The following PRR16 variants were observed in gnomAD, a reference collection of about 807,000 sequenced individuals.
PRR16 encodes the protein protein Largen.
PRR16 carries 6 observed loss-of-function variants against 18.2 expected under a neutral mutation model. The ratio of observed to expected loss-of-function variants is 0.33; its 90% confidence interval spans 0.18 to 0.65. The LOEUF (loss-of-function observed/expected upper bound fraction) is 0.65. Among genes scored for constraint, PRR16 ranks in the 30% least tolerant of loss-of-function variants. PRR16 has a pLI of 0.74. For synonymous variants in PRR16, 151 were observed against 147.8 expected (o/e 1.02, Z -0.16); for missense variants, 412 against 376.6 (o/e 1.09, Z -0.78).
the PRR16 span, among the ~76,000 whole-genome samples, chr5:120,761,093 TTTA>T: frequency 1.3e-5 from 2 of 148,288 alleles, no homozygotes; most frequent in African/African-American, 2.6e-5. Context: ...ACATATAAAA[TTTA>T]TTATTTTATT....
chr5:120,697,577 C>T, the PRR16 span, among the ~76,000 whole-genome samples: 1 of 152,308 alleles, frequency 6.6e-6, no homozygotes, highest in Non-Finnish European at 1.5e-5. Flanking sequence ...GACCACCAAA[C>T]AGGCTTTGTG....
chr5:120,657,518 T>C (rs1267161407), intron 1 of PRR16, among the ~76,000 whole-genome samples: 13 of 151,932 alleles, frequency 8.6e-5, no homozygotes, highest in Non-Finnish European at 8.8e-5. Flanking sequence ...GGAGAGCTGG[T>C]TGTTAGACAT....
At chr5:120,558,655 T>A (rs1209291376) in intron 1 of PRR16, among the ~76,000 whole-genome samples, 1 of 151,864 alleles carries the variant, frequency 6.6e-6, no homozygotes, top group African/African-American at 2.4e-5. Context: ...TATCTCTTGG[T>A]GTATACCTAG....
intron 1 of PRR16, among the ~76,000 whole-genome samples, chr5:120,659,110 G>C (rs1431814313): frequency 6.6e-6 from 1 of 151,830 alleles, no homozygotes; most frequent in Non-Finnish European, 1.5e-5. Context: ...ATGCTCAAAG[G>C]GTTCATTGGA....
the PRR16 span, among the ~76,000 whole-genome samples, chr5:120,792,820 C>A: frequency 6.6e-6 from 1 of 152,014 alleles, no homozygotes; most frequent in Non-Finnish European, 1.5e-5. Flanking sequence ...TTTAATTACA[C>A]GTTAACAAAA....
At chr5:120,776,480 GTGAAA>G in the PRR16 span, among the ~76,000 whole-genome samples, 1 of 152,106 alleles carries the variant, frequency 6.6e-6, no homozygotes, top group African/African-American at 2.4e-5. Context: ...CATGGAAGGA[GTGAAA>G]TGAAAAGTTC....
intron 1 of PRR16, among the ~76,000 whole-genome samples, chr5:120,472,944 A>G (rs1749317138): frequency 2.0e-5 from 3 of 152,294 alleles, no homozygotes; most frequent in East Asian, 3.9e-4. Flanking sequence ...TAAATTAAGC[A>G]TATTCTCTTC....
chr5:120,672,437 C>A (rs1423906722), intron 1 of PRR16, among the ~76,000 whole-genome samples: 3 of 151,496 alleles, frequency 2.0e-5, no homozygotes, highest in African/African-American at 7.3e-5. Context: ...ATGGCAGGAC[C>A]TGGATCCTGG....
the PRR16 span, among the ~76,000 whole-genome samples, chr5:120,758,764 C>A: frequency 1.3e-5 from 2 of 152,032 alleles, no homozygotes; most frequent in East Asian, 3.9e-4. Context: ...AATAAACCTC[C>A]TTTGTTTATA....
At chr5:120,496,441 T>C (rs1463644494) in intron 1 of PRR16, among the ~76,000 whole-genome samples, 1 of 152,068 alleles carries the variant, frequency 6.6e-6, no homozygotes, top group Non-Finnish European at 1.5e-5. Context: ...AGGTAGTTTA[T>C]GTTTTTCAAG....
intron 1 of PRR16, among the ~76,000 whole-genome samples, chr5:120,484,203 A>G (rs1378354715): frequency 1.3e-5 from 2 of 151,310 alleles, no homozygotes; most frequent in Non-Finnish European, 3.0e-5. Flanking sequence ...TAGCATACTC[A>G]CTTTTAAAAT....
chr5:120,731,848 A>G, the PRR16 span, among the ~76,000 whole-genome samples: 1 of 152,314 alleles, frequency 6.6e-6, no homozygotes, highest in East Asian at 1.9e-4. Flanking sequence ...ATAATCAGTA[A>G]TGCCAATAAA....
chr5:120,611,612 T>A (rs1754336954), intron 1 of PRR16, among the ~76,000 whole-genome samples: 1 of 152,210 alleles, frequency 6.6e-6, no homozygotes, highest in Non-Finnish European at 1.5e-5. Flanking sequence ...CCATGTGGTG[T>A]TGAGCCTGCA....
At chr5:120,527,596 T>G (rs1234376297) in intron 1 of PRR16, among the ~76,000 whole-genome samples, 3 of 152,212 alleles carry the variant, frequency 2.0e-5, no homozygotes, top group African/African-American at 7.2e-5. Flanking sequence ...TGTCTGAACA[T>G]ATTTAGATGT....
At chr5:120,791,612 T>C in the PRR16 span, among the ~76,000 whole-genome samples, 441 of 81,656 alleles carry the variant, frequency 5.4e-3, 1 homozygote, top group African/African-American at 0.015. Flanking sequence ...TCTATCTATC[T>C]ATCTATCTAT....
chr5:120,625,737 G>T (rs957117013), intron 1 of PRR16, among the ~76,000 whole-genome samples: 4 of 152,078 alleles, frequency 2.6e-5, no homozygotes, highest in Admixed American at 2.6e-4. Context: ...CTCTTAGTAG[G>T]ACAATAGAGT....
At chr5:120,784,329 G>A in the PRR16 span, among the ~76,000 whole-genome samples, 6 of 152,240 alleles carry the variant, frequency 3.9e-5, no homozygotes, top group South Asian at 4.1e-4. Context: ...CCTACCAACA[G>A]TGTACGAGCT....
At chr5:120,612,436 C>A (rs1754365693) in intron 1 of PRR16, among the ~76,000 whole-genome samples, 1 of 152,128 alleles carries the variant, frequency 6.6e-6, no homozygotes, top group Admixed American at 6.5e-5. Context: ...TCCCAGAATT[C>A]CCCCATGGTG....
intron 1 of PRR16, among the ~76,000 whole-genome samples, chr5:120,474,607 AC>A (rs111633197): frequency 0.1 from 9,690 of 93,936 alleles, 346 homozygotes; most frequent in Middle Eastern, 0.23. Context: ...TAAAAAAAAA[AC>A]CCATTATCTG....
Sources: gnomAD v4.1 joint callset for allele counts (sites outside exome capture counted in the v4.1 genomes callset) on GRCh38, gnomAD v4.1.1 for gene constraint, MANE v1.5 for transcripts, NCBI Gene and HGNC (gene_info 2026-07-23, HGNC 2026-07-21) for gene names.